The following ZNF236 variants were observed in gnomAD, a reference collection of about 807,000 sequenced individuals.
ZNF236 encodes the protein regulated by glucose.
In ZNF236, 50 loss-of-function variants were observed where a neutral mutation model predicts 191.2. The ratio of observed to expected loss-of-function variants is 0.26; its 90% CI spans 0.21 to 0.33. The LOEUF (loss-of-function observed/expected upper bound fraction) is 0.33, where lower values mean the gene tolerates loss of function less well. ZNF236 is among the 10% of genes least tolerant of loss of function. The pLI, the probability that ZNF236 is intolerant of heterozygous loss-of-function variation, is 1.00. For missense variants in ZNF236, 1,754 were observed against 2,374.5 expected, an observed-to-expected ratio of 0.74 and a Z score of 5.43; for synonymous variants, 907 against 928.8, an observed-to-expected ratio of 0.98 and a Z score of 0.43.
chr18:76,920,206 G>C, intron 20 of ZNF236, 148 bp downstream of exon 20: 1 of 950,294 alleles, frequency 1.1e-6, no homozygotes, highest in Non-Finnish European at 1.6e-6. Context: ...TTGAATGTAT[G>C]GTTTTAAGCT....
chr18:76,890,788 T>G (rs781705477), intron 9 of ZNF236, among the ~76,000 whole-genome samples: 9 of 152,206 alleles, frequency 5.9e-5, no homozygotes, highest in Non-Finnish European at 1.0e-4. Context: ...TTGTGAGCTA[T>G]ATTTGTGGGA....
chr18:76,947,138 G>A (rs1286324912), intron 26 of ZNF236, among the ~76,000 whole-genome samples: 6 of 152,246 alleles, frequency 3.9e-5, no homozygotes, highest in South Asian at 2.1e-4. Context: ...GTGATCATCC[G>A]TGTGGTCTTT....
At chr18:76,909,412 A>G (rs1238371318) in intron 14 of ZNF236, among the ~76,000 whole-genome samples, 2 of 152,162 alleles carry the variant, frequency 1.3e-5, no homozygotes, top group Non-Finnish European at 2.9e-5. Flanking sequence ...ACATCTTTCA[A>G]GTGTACATCT....
chr18:76,828,943 T>C (rs1263222729), intron 1 of ZNF236, among the ~76,000 whole-genome samples: 1 of 151,676 alleles, frequency 6.6e-6, no homozygotes, highest in African/African-American at 2.4e-5. Flanking sequence ...GGATTACATG[T>C]GTGAGCCACC....
chr18:76,883,158 A>G (rs1976946440), intron 9 of ZNF236, among the ~76,000 whole-genome samples: 1 of 152,190 alleles, frequency 6.6e-6, no homozygotes, highest in African/African-American at 2.4e-5. Context: ...AGTACTAGCC[A>G]GGGAATTCCA....
chr18:76,826,336 C>T (rs1445309804), intron 1 of ZNF236, among the ~76,000 whole-genome samples: 2 of 144,140 alleles, frequency 1.4e-5, no homozygotes, highest in Non-Finnish European at 3.0e-5. Context: ...GTTGATCAGG[C>T]TGGTCTCGAA....
At chr18:76,905,528 A>C in intron 13 of ZNF236, 113 bp downstream of exon 13, 1 of 1,037,618 alleles carries the variant, frequency 9.6e-7, no homozygotes, top group Non-Finnish European at 1.4e-6. Flanking sequence ...TTTCTAGCTC[A>C]TACTATATGG....
rs942242087 is a variant in ZNF236, at chr18:76,904,368, T to C, written c.1895-12T>C. ...GACAGTGAATTACATCTGCTTTTCT[T>C]TTGCTTTGTAGGTCTCATCCAGCCC... On this transcript the variant is annotated splice_polypyrimidine_tract_variant and intron_variant, in intron 11 of 30. Coordinates refer to ENST00000320610, the MANE Select transcript of ZNF236 (RefSeq NM_001306089.2). 2.5e-6 allele frequency: 4 copies of C among 1,587,318 alleles called. No individual in the cohort carries two copies. The highest frequency in any genetic ancestry group is 2.6e-6 in the Non-Finnish European group (3 of 1,169,222).
chr18:76,966,941 T>G (rs1169038502), intron 30 of ZNF236, among the ~76,000 whole-genome samples: 1 of 152,242 alleles, frequency 6.6e-6, no homozygotes, highest in African/African-American at 2.4e-5. Context: ...CCATGCATTT[T>G]GCGGGTGTGA....
intron 1 of ZNF236, among the ~76,000 whole-genome samples, chr18:76,829,513 A>AGAT (rs1404531778): frequency 6.6e-6 from 1 of 152,032 alleles, no homozygotes; most frequent in Non-Finnish European, 1.5e-5. Context: ...TTTTTTGTAG[A>AGAT]GATGGGGTTT....
intron 1 of ZNF236, among the ~76,000 whole-genome samples, chr18:76,832,392 C>G (rs1375376600): frequency 6.6e-6 from 1 of 151,916 alleles, no homozygotes; most frequent in African/African-American, 2.4e-5. Flanking sequence ...TACGTCTCAC[C>G]TTTAGATTGA....
chr18:76,859,007 A>G (rs376465884), intron 3 of ZNF236, among the ~76,000 whole-genome samples: 129 of 5,806 alleles, frequency 0.022, no homozygotes, highest in Admixed American at 0.027. Flanking sequence ...GGTGGAGGAG[A>G]AAGGGGGAGA....
At chr18:76,829,327 G>A (rs1424419062) in intron 1 of ZNF236, among the ~76,000 whole-genome samples, 3 of 88,780 alleles carry the variant, frequency 3.4e-5, no homozygotes, top group East Asian at 7.0e-4. Context: ...ATCTCCTGGG[G>A]GAGGTTTTTT....
Position 76,851,945 on chromosome 18 carries a change from C to A in ZNF236, c.363+6C>A. 6.2e-7 allele frequency: 1 copy of A among 1,602,688 alleles called. No individual in the cohort carries two copies. The highest frequency in any genetic ancestry group is 8.5e-7 in the Non-Finnish European group (1 of 1,174,294). ...TGCTACATGAAAAGGAAGAGGTAAT[C>A]ATCATCATTTTGCATATACTTTGTT... On this transcript the variant is annotated splice_donor_region_variant and intron_variant, in intron 3 of 30. Coordinates refer to ENST00000320610, the MANE Select transcript of ZNF236 (RefSeq NM_001306089.2).
intron 11 of ZNF236, among the ~76,000 whole-genome samples, chr18:76,901,714 C>T (rs919621851): frequency 2.0e-5 from 3 of 151,824 alleles, no homozygotes; most frequent in Admixed American, 6.6e-5. Flanking sequence ...GCCAAGATTG[C>T]ACCACTGGAC....
chr18:76,845,872 C>T (rs1352591130), intron 1 of ZNF236, among the ~76,000 whole-genome samples: 1 of 151,834 alleles, frequency 6.6e-6, no homozygotes, highest in Non-Finnish European at 1.5e-5. Context: ...AATTAGCTAT[C>T]CCCCAGAAGG....
chr18:76,936,950 G>A (rs1968016244), intron 25 of ZNF236, among the ~76,000 whole-genome samples: 1 of 152,218 alleles, frequency 6.6e-6, no homozygotes, highest in Admixed American at 6.5e-5. Flanking sequence ...AAGAAGCACA[G>A]TATATTCATA....
chr18:76,927,142 C>A lies in ZNF236; in HGVS notation c.4133C>A (p.Ser1378Tyr). 1.2e-6 allele frequency: 2 copies of A among 1,614,090 alleles called. No homozygotes were observed. The highest frequency in any genetic ancestry group is 1.7e-6 in the Non-Finnish European group (2 of 1,180,000). The change falls in exon 23 of 31, where the codon TCT becomes TAT. Residue 1378 changes from serine (S) to tyrosine (Y), a missense_variant. Coordinates refer to ENST00000320610, the MANE Select transcript of ZNF236 (RefSeq NM_001306089.2). The surrounding 1 kb of genome is among the most constrained non-coding windows in gnomAD (Gnocchi z 5.4). ...ANLVGPNVQISGIDAASINNI... is the reference protein window; with the variant it reads ...ANLVGPNVQIYGIDAASINNI... ...TTGGTTGGACCAAATGTACAGATTT[C>A]TGGAATCGATGCTGCCAGCATTAAT...
Position 76,880,090 on chromosome 18 carries a change from A to T in ZNF236, c.985-23A>T. On this transcript the variant is annotated intron_variant, in intron 7 of 30. Transcript: ENST00000320610. This position sits in a 1 kb window ranked among gnomAD's most constrained non-coding sequence, Gnocchi z 5.0. Reference sequence around the variant, plus strand: ...ATTGAAGAGCAAAATTGTATTTTTAATGAAAATGTTTCTGTGTTTCAGGCC... The same window carrying T: ...ATTGAAGAGCAAAATTGTATTTTTATTGAAAATGTTTCTGTGTTTCAGGCC... 6.4e-7 allele frequency: 1 copy of T among 1,567,050 alleles called. No individual in the cohort carries two copies. Among genetic ancestry groups the T allele is most frequent in the Non-Finnish European group, 8.6e-7 (1 of 1,157,240 alleles).
Sources: gnomAD v4.1 joint callset for allele counts (sites outside exome capture counted in the v4.1 genomes callset) on GRCh38, gnomAD v4.1.1 for gene constraint, Gnocchi (gnomAD v3.1) non-coding constraint, MANE v1.5 for transcripts, NCBI Gene and HGNC (gene_info 2026-07-23, HGNC 2026-07-21) for gene names.